The following TRPS1 variants were observed in gnomAD, a reference collection of about 807,000 sequenced individuals.
The protein encoded by TRPS1 is transcriptional repressor GATA binding 1, also known as zinc finger transcription factor Trps1.
In TRPS1, 6 loss-of-function variants were observed where a neutral mutation model predicts 101.2. The ratio of observed to expected loss-of-function variants is 0.06; its 90% CI spans 0.03 to 0.12. TRPS1 has a LOEUF of 0.12. Among genes scored for constraint, TRPS1 ranks in the 10% least tolerant of loss-of-function variants. The pLI is 1.00. For missense variants in TRPS1, 1,363 were observed against 1,567.0 expected (o/e 0.87, Z 2.20); for synonymous variants, 578 against 589.8 (o/e 0.98, Z 0.29).
At chr8:115,613,499 G>C (rs951450913) in intron 3 of TRPS1, among the ~76,000 whole-genome samples, 2 of 152,084 alleles carry the variant, frequency 1.3e-5, no homozygotes, top group Non-Finnish European at 2.9e-5. Context: ...TTTGCTATTG[G>C]CAGTAAACTC....
chr8:115,623,835 A>T (rs1159823021), intron 1 of TRPS1, 77 bp from the exon 2 acceptor site: 68 of 1,310,940 alleles, frequency 5.2e-5, no homozygotes, highest in Non-Finnish European at 5.9e-6. Flanking sequence ...CCTAAAATAT[A>T]TTAATATGCT....
intron 4 of TRPS1, among the ~76,000 whole-genome samples, chr8:115,588,239 G>T (rs1817611399): frequency 6.6e-6 from 1 of 152,122 alleles, no homozygotes; most frequent in Non-Finnish European, 1.5e-5. Flanking sequence ...GAAATAAAGT[G>T]TTCTTTTCTA....
At chr8:115,563,781 T>TA (rs1441305430) in intron 5 of TRPS1, among the ~76,000 whole-genome samples, 1 of 152,084 alleles carries the variant, frequency 6.6e-6, no homozygotes, top group Non-Finnish European at 1.5e-5. Flanking sequence ...TATTAGGTGT[T>TA]ATGATAACTC....
chr8:115,635,921 A>G (rs1586480777), intron 1 of TRPS1, among the ~76,000 whole-genome samples: 1 of 152,338 alleles, frequency 6.6e-6, no homozygotes, highest in Non-Finnish European at 1.5e-5. Flanking sequence ...TGTATTGACA[A>G]AAGTTCACAT....
chr8:115,633,714 G>C (rs954018055), intron 1 of TRPS1, among the ~76,000 whole-genome samples: 3 of 152,110 alleles, frequency 2.0e-5, no homozygotes, highest in African/African-American at 7.2e-5. Flanking sequence ...GAGGATTCAT[G>C]TATCTAAAAT....
At chr8:115,442,372 G>C (rs1813619884) in intron 5 of TRPS1, among the ~76,000 whole-genome samples, 1 of 152,124 alleles carries the variant, frequency 6.6e-6, no homozygotes, top group African/African-American at 2.4e-5. Context: ...AGGTAAGCAT[G>C]AATTGTCACC....
chr8:115,604,205 T>TGTG lies in TRPS1; in HGVS notation c.1763_1764insCAC (p.Glu588delinsAspThr). On this transcript the variant is annotated protein_altering_variant, in exon 4 of 7. Coordinates refer to ENST00000395715, the MANE Select transcript of TRPS1 (RefSeq NM_014112.5). This position sits in a 1 kb window ranked among gnomAD's most constrained non-coding sequence, Gnocchi z 4.1. The stretch of plus-strand genomic sequence containing the variant: ...GATAAGTAATTTCTCCAAGGTGCTT[T>TGTG]TCTGGGCTGCAAAGTCCTCTGGGAC... 6.2e-7 allele frequency: 1 copy of TGTG among 1,614,090 alleles called. No homozygotes were observed.
chr8:115,504,527 A>G (rs1815394417), intron 5 of TRPS1, among the ~76,000 whole-genome samples: 1 of 152,196 alleles, frequency 6.6e-6, no homozygotes, highest in African/African-American at 2.4e-5. Flanking sequence ...AACCTAATGC[A>G]CCCAACTGAG....
At chr8:115,635,106 T>C (rs894309049) in intron 1 of TRPS1, among the ~76,000 whole-genome samples, 1 of 152,224 alleles carries the variant, frequency 6.6e-6, no homozygotes, top group African/African-American at 2.4e-5. Context: ...AAGATAGCAC[T>C]GTTCAAGAAT....
At chr8:115,602,556 A>C (rs760423889) in intron 4 of TRPS1, among the ~76,000 whole-genome samples, 22 of 152,228 alleles carry the variant, frequency 1.4e-4, no homozygotes, top group Non-Finnish European at 2.8e-4. Flanking sequence ...ATTCACTGTG[A>C]ACATTGGGAT....
chr8:115,440,014 G>T (rs891039864), intron 5 of TRPS1, among the ~76,000 whole-genome samples: 1 of 152,214 alleles, frequency 6.6e-6, no homozygotes, highest in African/African-American at 2.4e-5. Flanking sequence ...TGGCCCTCTA[G>T]TGCAGTTGTC....
chr8:115,442,969 G>T (rs901703172), intron 5 of TRPS1, among the ~76,000 whole-genome samples: 2 of 151,916 alleles, frequency 1.3e-5, no homozygotes, highest in African/African-American at 4.8e-5. Context: ...GGTGGCGGGC[G>T]CCTGTAGTCC....
At chr8:115,653,246 G>A (rs1055190822) in intron 1 of TRPS1, among the ~76,000 whole-genome samples, 1 of 152,080 alleles carries the variant, frequency 6.6e-6, no homozygotes, top group African/African-American at 2.4e-5. Flanking sequence ...AGCACTGATA[G>A]GGTTTCCTAT....
intron 5 of TRPS1, among the ~76,000 whole-genome samples, chr8:115,574,135 A>C (rs1449910640): frequency 6.6e-6 from 1 of 152,164 alleles, no homozygotes; most frequent in Non-Finnish European, 1.5e-5. Context: ...ACCCTTTATA[A>C]GTTCTTCCAC....
intron 5 of TRPS1, among the ~76,000 whole-genome samples, chr8:115,533,435 T>TG (rs1463231453): frequency 1.3e-4 from 16 of 126,848 alleles, no homozygotes; most frequent in African/African-American, 4.8e-4. Context: ...ACATGTAATC[T>TG]GTTTTTTTTT....
At chr8:115,548,512 G>T (rs866599419) in intron 5 of TRPS1, among the ~76,000 whole-genome samples, 4 of 151,696 alleles carry the variant, frequency 2.6e-5, no homozygotes, top group African/African-American at 4.8e-5. Flanking sequence ...CCTGCTGATC[G>T]CGAACTCCTG....
intron 5 of TRPS1, among the ~76,000 whole-genome samples, chr8:115,471,977 G>C: frequency 6.6e-6 from 1 of 152,200 alleles, no homozygotes; most frequent in East Asian, 1.9e-4. Context: ...TTCATGGTCT[G>C]GCACTGAGTG....
At chr8:115,424,804 AAT>A (rs1468818099) in intron 5 of TRPS1, among the ~76,000 whole-genome samples, 2 of 152,376 alleles carry the variant, frequency 1.3e-5, no homozygotes, top group Non-Finnish European at 2.9e-5. Context: ...ATTAATTACC[AAT>A]AGAGTTGACA....
intron 5 of TRPS1, among the ~76,000 whole-genome samples, chr8:115,453,931 T>C (rs1813949082): frequency 6.6e-6 from 1 of 152,366 alleles, no homozygotes; most frequent in East Asian, 1.9e-4. Flanking sequence ...CATGTGGTCA[T>C]TCAACTTCAG....
Sources: gnomAD v4.1 joint callset for allele counts (sites outside exome capture counted in the v4.1 genomes callset) on GRCh38, gnomAD v4.1.1 for gene constraint, Gnocchi (gnomAD v3.1) non-coding constraint, MANE v1.5 for transcripts, NCBI Gene and HGNC (gene_info 2026-07-23, HGNC 2026-07-21) for gene names.